IMMP1L: variants seen among roughly 807,000 people sequenced by gnomAD.
IMMP1L encodes the protein inner mitochondrial membrane peptidase subunit 1.
Under a neutral mutation model 21.8 loss-of-function variants are expected in IMMP1L, and 24 were observed. That is an observed-to-expected ratio of 1.10 (90% CI 0.80 to 1.55). IMMP1L has a LOEUF of 1.55. IMMP1L is among the 40% of genes most tolerant of loss of function. IMMP1L has a pLI of 0.00. For missense variants in IMMP1L, 195 were observed against 200.7 expected, an observed-to-expected ratio of 0.97 and a Z score of 0.17; for synonymous variants, 46 against 62.8, an observed-to-expected ratio of 0.73 and a Z score of 1.26.
intron 4 of IMMP1L, among the ~76,000 whole-genome samples, chr11:31,444,227 C>G (rs185304813): frequency 2.0e-5 from 3 of 152,234 alleles, no homozygotes; most frequent in Admixed American, 2.0e-4. Flanking sequence ...CCAAATGAAA[C>G]AAGACTCCTG....
intron 1 of IMMP1L, among the ~76,000 whole-genome samples, chr11:31,483,240 T>C (rs987493578): frequency 3.3e-5 from 5 of 152,052 alleles, no homozygotes; most frequent in Non-Finnish European, 2.9e-5. Context: ...GCTGGTTATA[T>C]GGGTGTATTT....
Position 31,480,182 on chromosome 11 carries a change from T to A in IMMP1L, c.-29-16877A>T, listed in dbSNP as rs1282047985. On this transcript the variant is annotated intron_variant, in intron 1 of 5. Transcript: ENST00000532287. ...CTAGAAAGGGATGAACTTTTTTCTA[T>A]GGTGTTATTGTAATTGGTTACATTC... Among the ~76,000 whole-genome samples, 4 of 152,084 alleles carry A rather than the reference T, an allele frequency of 2.6e-5. No homozygotes were observed. In the South Asian group the frequency reaches 6.2e-4, roughly 24 times the overall value.
rs1955733086 is a variant in IMMP1L at position 31,504,939 on chromosome 11, G to T, written c.-30+4580C>A. Reference sequence around the variant, plus strand: ...CTCTTTGTGAGTATAATGACAGGAAGGAGGCAAAAAAGGAATTACCGGAGG... The same window carrying T: ...CTCTTTGTGAGTATAATGACAGGAATGAGGCAAAAAAGGAATTACCGGAGG... On this transcript the variant is annotated intron_variant, in intron 1 of 5. Coordinates refer to ENST00000532287, the MANE Select transcript of IMMP1L (RefSeq NM_001304274.2). Among the ~76,000 whole-genome samples the T allele has an allele frequency of 2.0e-5, 3 of 152,142 alleles. No homozygotes were observed. In the South Asian group the frequency reaches 6.2e-4, roughly 32 times the overall value.
At chr11:31,453,286 G>A (rs1440191230) in intron 4 of IMMP1L, among the ~76,000 whole-genome samples, 2 of 152,170 alleles carry the variant, frequency 1.3e-5, no homozygotes, top group Non-Finnish European at 2.9e-5. Context: ...TCTTTGATAT[G>A]CTAAACTCTA....
At chr11:31,496,386 TG>T (rs1264970367) in intron 1 of IMMP1L, among the ~76,000 whole-genome samples, 1 of 152,184 alleles carries the variant, frequency 6.6e-6, no homozygotes, top group African/African-American at 2.4e-5. Flanking sequence ...GAATGCAAAA[TG>T]GTACAGCCAA....
At chr11:31,455,273 TGTTA>T (rs1414660102) in intron 4 of IMMP1L, among the ~76,000 whole-genome samples, 1 of 152,216 alleles carries the variant, frequency 6.6e-6, no homozygotes, top group East Asian at 1.9e-4. Flanking sequence ...ATAGAGATAA[TGTTA>T]GTTAACAAAC....
chr11:31,454,449 C>CAAAAA (rs71463320), intron 4 of IMMP1L, among the ~76,000 whole-genome samples: 2 of 30,396 alleles, frequency 6.6e-5, no homozygotes, highest in Non-Finnish European at 1.5e-4. Flanking sequence ...AAGACCATGT[C>CAAAAA]AAAAAAAAAA....
chr11:31,509,125 T>C (rs1375235765), intron 1 of IMMP1L, among the ~76,000 whole-genome samples: 1 of 152,212 alleles, frequency 6.6e-6, no homozygotes, highest in African/African-American at 2.4e-5. Flanking sequence ...TATCGGAACT[T>C]GTCAGAGAGC....
intron 3 of IMMP1L, among the ~76,000 whole-genome samples, chr11:31,458,925 T>A (rs934207573): frequency 6.6e-6 from 1 of 152,154 alleles, no homozygotes; most frequent in Non-Finnish European, 1.5e-5. Flanking sequence ...CAAGTTCATC[T>A]CCTCATTCAG....
At chr11:31,439,432 A>G (rs1002551235) in intron 4 of IMMP1L, among the ~76,000 whole-genome samples, 3 of 152,064 alleles carry the variant, frequency 2.0e-5, no homozygotes, top group African/African-American at 7.2e-5. Context: ...TTCTTATACC[A>G]TTTATTTCCT....
At chr11:31,452,745 C>CA in intron 4 of IMMP1L, 2 of 1,008,586 alleles carry the variant, frequency 2.0e-6, no homozygotes, top group Non-Finnish European at 2.4e-6. Flanking sequence ...CAAACAGCAT[C>CA]TTTTTTTTTC....
chr11:31,499,364 C>CAA (rs1955546225), intron 1 of IMMP1L, among the ~76,000 whole-genome samples: 1 of 111,824 alleles, frequency 8.9e-6, no homozygotes, highest in African/African-American at 5.6e-5. Context: ...GACTCCGTAT[C>CAA]AAAAAACAAA....
intron 1 of IMMP1L, among the ~76,000 whole-genome samples, chr11:31,478,847 G>A (rs1185062275): frequency 6.6e-6 from 1 of 151,934 alleles, no homozygotes; most frequent in African/African-American, 2.4e-5. Flanking sequence ...TTTGAATCAA[G>A]TCAAATAAAT....
At chr11:31,460,867 A>T (rs974333842) in intron 2 of IMMP1L, among the ~76,000 whole-genome samples, 153 bp from the exon 3 acceptor site, 1 of 152,204 alleles carries the variant, frequency 6.6e-6, no homozygotes, top group Non-Finnish European at 1.5e-5. Flanking sequence ...AAGTAAGTTC[A>T]ACTCTAGAGT....
rs1359343226 is a variant in IMMP1L at position 31,509,540 on chromosome 11, G to A, written c.-51C>T. On this transcript the variant is annotated 5_prime_UTR_variant, in exon 1 of 6. Coordinates refer to ENST00000532287, the MANE Select transcript of IMMP1L (RefSeq NM_001304274.2). ...CTACCTCGGGCCCCAAAGAACCCTG[G>A]AGACCCTCAACCAGGACACAGGTGG... 3 of 562,462 alleles carry A rather than the reference G, an allele frequency of 5.3e-6. No individual in the cohort carries two copies. The highest frequency in any genetic ancestry group is 4.7e-4 in the Middle Eastern group (1 of 2,112). The allele number at this position is 562,462 out of a possible 1,614,324, so 34.8% of individuals were successfully genotyped here. A position where few individuals can be genotyped will look rare whatever the true frequency, so the allele number is the denominator to read the frequency against.
intron 1 of IMMP1L, among the ~76,000 whole-genome samples, chr11:31,494,457 C>A (rs1955364807): frequency 1.3e-5 from 2 of 152,218 alleles, no homozygotes; most frequent in African/African-American, 4.8e-5. Context: ...CCCAGGAAAC[C>A]ATTTTTCCCT....
chr11:31,486,364 T>C (rs1045761870), intron 1 of IMMP1L, among the ~76,000 whole-genome samples: 5 of 151,920 alleles, frequency 3.3e-5, no homozygotes, highest in Admixed American at 3.3e-4. Context: ...GAAGGCATGA[T>C]ATGTTACTAA....
At chr11:31,493,521 A>G (rs781390693) in intron 1 of IMMP1L, among the ~76,000 whole-genome samples, 2 of 152,074 alleles carry the variant, frequency 1.3e-5, no homozygotes, top group African/African-American at 4.8e-5. Flanking sequence ...TAATCAAACC[A>G]TATCATTCCA....
chr11:31,456,547 G>C (rs990438103), intron 3 of IMMP1L, among the ~76,000 whole-genome samples, 161 bp from the exon 4 acceptor site: 5 of 151,992 alleles, frequency 3.3e-5, no homozygotes, highest in African/African-American at 1.2e-4. Context: ...GAGAACCTTT[G>C]TGACTGAATA....
Sources: allele counts gnomAD v4.1 joint callset (sites outside exome capture counted in the v4.1 genomes callset), GRCh38; gene constraint gnomAD v4.1.1; transcripts MANE v1.5; gene names NCBI Gene and HGNC (gene_info 2026-07-23, HGNC 2026-07-21).